Variants in FLNB observed in about 807,000 individuals in gnomAD.
The protein encoded by FLNB is filamin-B.
A neutral mutation model predicts 250.6 loss-of-function variants in FLNB; 111 were observed. The observed-to-expected ratio is 0.44, with a 90% CI of 0.38 to 0.52. The LOEUF (loss-of-function observed/expected upper bound fraction) is 0.52. Ranked by LOEUF, FLNB falls within the 20% of genes least tolerant of loss-of-function variation. The probability of loss-of-function intolerance (pLI) is 0.00; values close to 1 mark genes in which losing one functional copy is unlikely to be tolerated. For synonymous variants in FLNB, 1,302 were observed against 1,372.1 expected (o/e 0.95, Z 1.13); for missense variants, 2,869 against 3,447.8 (o/e 0.83, Z 4.20).
intron 9 of FLNB, 77 bp downstream of exon 9, chr3:58,102,417 A>C: frequency 6.7e-7 from 1 of 1,493,480 alleles, no homozygotes; most frequent in Non-Finnish European, 9.3e-7. Context: ...ATTTCATCCC[A>C]CGGCCAGTTG....
At chr3:58,154,734 A>AG in intron 39 of FLNB, 57 bp from the exon 40 acceptor site, 1 of 1,595,758 alleles carries the variant, frequency 6.3e-7, no homozygotes. Context: ...CAAGGATGGA[A>AG]GAGGGACAGG....
At chr3:58,030,450 A>G (rs1384947502) in intron 1 of FLNB, among the ~76,000 whole-genome samples, 1 of 152,096 alleles carries the variant, frequency 6.6e-6, no homozygotes, top group Non-Finnish European at 1.5e-5. Flanking sequence ...CCTGTGGTTT[A>G]CCATAGTAGA....
Position 58,105,155 on chromosome 3 carries a change from G to C in FLNB, c.1686G>C (p.Gly562=). 6.2e-7 allele frequency: 1 copy of C among 1,614,254 alleles called. No homozygotes were observed. Among genetic ancestry groups the C allele is most frequent in the South Asian group, 1.1e-5 (1 of 91,084 alleles). ...VRAWGPGLHG[G]IVGRSADFVV... is the part of the protein sequence containing the mutation. ...CTTGGGGCCCTGGGCTCCATGGTGG[G>C]ATTGTCGGGCGGTCAGCGGACTTCG... The change falls in exon 11 of 46, where the codon GGG becomes GGC. Residue 562 remains glycine, a synonymous_variant. Transcript: ENST00000295956.
At chr3:58,080,627 T>C (rs1306406189) in intron 3 of FLNB, among the ~76,000 whole-genome samples, 1 of 151,640 alleles carries the variant, frequency 6.6e-6, no homozygotes, top group African/African-American at 2.4e-5. Context: ...CCCGAGTAGC[T>C]GGGACTGCAG....
intron 9 of FLNB, among the ~76,000 whole-genome samples, chr3:58,103,440 T>C (rs76489676): frequency 3.2e-4 from 48 of 152,330 alleles, no homozygotes; most frequent in Middle Eastern, 3.4e-3. Flanking sequence ...GTTTGGAGTT[T>C]GCAGCGTCAC....
In FLNB at chr3:58,146,747, G is replaced by A. The variant is rs965418248; in HGVS notation, c.5555-73G>A. On this transcript the variant is annotated intron_variant, in intron 33 of 45. Transcript: ENST00000295956. ...CCAGCATCAGGGCTGCCCTGGATGAGTTGTTAAAAGGAAACTCTTAAAACA... is the reference window on the plus strand; with the variant it reads ...CCAGCATCAGGGCTGCCCTGGATGAATTGTTAAAAGGAAACTCTTAAAACA... 48 of 1,533,592 alleles carry A rather than the reference G, an allele frequency of 3.1e-5. No homozygotes were observed. The Middle Eastern group carries it at 6.7e-4, about 22-fold the overall frequency. 95.0% of individuals were successfully genotyped at this position (1,533,592 alleles called of 1,614,324 possible).
At position 58,156,146 on chromosome 3, in the gene FLNB, CTT is replaced by C. The variant is rs113436524; in HGVS notation, c.6888+72_6888+73del. The C allele has an allele frequency of 5.5e-3, 6,357 of 1,146,248 alleles. 237 individuals carry two copies. In the African/African-American group the frequency reaches 0.08, roughly 14 times the overall value. 71.0% of individuals were successfully genotyped at this position (1,146,248 alleles called of 1,614,324 possible). ...TGAGACCCCTGGACTCCTGAGGCTG[CTT>C]CAATGTCCCCTTAGGTGCTGAGGCC... On this transcript the variant is annotated intron_variant, in intron 41 of 45. Transcript: ENST00000295956.
At chr3:58,138,209 G>A in intron 28 of FLNB, 73 bp from the exon 29 acceptor site, 1 of 1,594,812 alleles carries the variant, frequency 6.3e-7, no homozygotes, top group South Asian at 1.1e-5. Flanking sequence ...CAACATGGAT[G>A]GGTATGATTT....
intron 19 of FLNB, among the ~76,000 whole-genome samples, chr3:58,119,345 T>C (rs920205618): frequency 1.3e-5 from 2 of 152,160 alleles, no homozygotes; most frequent in Admixed American, 6.5e-5. Context: ...AAAAGAGAAT[T>C]TGGGCTATGT....
rs764190111 is a variant in FLNB, at chr3:58,031,543, CTTTTTTTTTTTTTT to C, written c.292+22699_292+22712del. Reference sequence around the variant, plus strand: ...ACAGACGTGAGCCACCGTGCCCTGCCTTTTTTTTTTTTTTTTTTTTTTTTTAAAGGCAGAGTCTT... The same window carrying C: ...ACAGACGTGAGCCACCGTGCCCTGCCTTTTTTTTTTTAAAGGCAGAGTCTT... On this transcript the variant is annotated intron_variant, in intron 1 of 45. Transcript: ENST00000295956. Among the ~76,000 whole-genome samples the C allele has an allele frequency of 1.6e-3, 123 of 77,158 alleles. 1 individual carries two copies. Among genetic ancestry groups the C allele is most frequent in the African/African-American group, 6.6e-3 (115 of 17,360 alleles). 50.6% of individuals were successfully genotyped at this position (77,158 alleles called of 152,430 possible).
At chr3:58,038,710 G>C (rs1034522107) in intron 1 of FLNB, among the ~76,000 whole-genome samples, 1 of 151,866 alleles carries the variant, frequency 6.6e-6, no homozygotes, top group Non-Finnish European at 1.5e-5. Flanking sequence ...TTACAGGAGC[G>C]AGCCACTGTG....
At chr3:58,140,918 C>T (rs918117903) in intron 29 of FLNB, among the ~76,000 whole-genome samples, 4 of 152,090 alleles carry the variant, frequency 2.6e-5, no homozygotes, top group African/African-American at 9.7e-5. Context: ...AGCATTAAAG[C>T]TAAGATTTGT....
chr3:58,138,286 T>A lies in FLNB; in HGVS notation c.4866T>A (p.Pro1622=), dbSNP rs751911548. Residue 1622 remains proline, a synonymous_variant, in exon 29 of 46, where the codon CCT becomes CCA. Transcript: ENST00000295956. ...TTCCCCTGAACTCTTCTCCAGGTCC[T>A]GGAATCGCCTCCACTGTGAAAACTG... is the stretch of plus-strand genomic sequence containing the variant. ...GDASKCLATG[P]GIASTVKTGE... is the part of the protein sequence containing the mutation. 9 of 1,613,884 alleles carry A rather than the reference T, an allele frequency of 5.6e-6. No individual in the cohort carries two copies. The highest frequency in any genetic ancestry group is 7.6e-6 in the Non-Finnish European group (9 of 1,180,036).
intron 35 of FLNB, 97 bp downstream of exon 35, chr3:58,148,461 G>T: frequency 7.0e-7 from 1 of 1,437,740 alleles, no homozygotes; most frequent in Non-Finnish European, 9.6e-7. Flanking sequence ...GCACAATGGA[G>T]TGTGATGTGA....
intron 1 of FLNB, among the ~76,000 whole-genome samples, chr3:58,068,365 C>T (rs988309914): frequency 6.6e-6 from 1 of 152,190 alleles, no homozygotes; most frequent in Admixed American, 6.5e-5. Context: ...TCATCCTACC[C>T]AGGGGCCTCT....
At chr3:58,119,405 C>T (rs942584920) in intron 19 of FLNB, among the ~76,000 whole-genome samples, 1 of 152,216 alleles carries the variant, frequency 6.6e-6, no homozygotes, top group Non-Finnish European at 1.5e-5. Flanking sequence ...GCAACTGAAT[C>T]CGCACTAAGG....
In FLNB at chr3:58,121,179, CTGGAT is replaced by C. The variant is rs1348025124; in HGVS notation, c.2864-59_2864-55del. On this transcript the variant is annotated intron_variant, in intron 19 of 45. Transcript: ENST00000295956. ...TCCAAAGAACCATTGCTTCTGTGCT[CTGGAT>C]TGTTCCTGCTGCTGAAAAGGGTCAG... The C allele has an allele frequency of 5.0e-6, 8 of 1,610,044 alleles. No individual in the cohort carries two copies. In the East Asian group the frequency reaches 1.8e-4, roughly 36 times the overall value.
intron 29 of FLNB, among the ~76,000 whole-genome samples, chr3:58,141,252 CA>C (rs1172776971): frequency 6.6e-6 from 1 of 151,782 alleles, no homozygotes; most frequent in African/African-American, 2.4e-5. Context: ...AACTCTGCCT[CA>C]AAAAAAATTA....
At position 58,154,935 on chromosome 3, in the gene FLNB, A is replaced by G; in HGVS notation, c.6772+7A>G. 1 of 1,613,162 alleles carries G rather than the reference A, an allele frequency of 6.2e-7. No individual in the cohort carries two copies. Among genetic ancestry groups the G allele is most frequent in the Non-Finnish European group, 8.5e-7 (1 of 1,179,120 alleles). ...TATATTGCCCAAGAGCCTGGTATGT[A>G]TTCAGGGTTCACAAGAGGACATTTT... On this transcript the variant is annotated splice_region_variant and intron_variant, in intron 40 of 45. Coordinates refer to ENST00000295956, the MANE Select transcript of FLNB (RefSeq NM_001457.4).
Sources: allele counts gnomAD v4.1 joint callset (sites outside exome capture counted in the v4.1 genomes callset), GRCh38; gene constraint gnomAD v4.1.1; transcripts MANE v1.5; gene names NCBI Gene and HGNC (gene_info 2026-07-23, HGNC 2026-07-21).